NEIL3: variants seen among roughly 807,000 people sequenced by gnomAD.
NEIL3 encodes the protein nei like DNA glycosylase 3, also known as endonuclease 8-like 3.
In NEIL3, 48 loss-of-function variants were observed where a neutral mutation model predicts 57.5. The ratio of observed to expected loss-of-function variants is 0.83; its 90% CI spans 0.66 to 1.06. NEIL3 has a LOEUF of 1.06. Ranked by LOEUF, NEIL3 falls within the 50% of genes least tolerant of loss-of-function variation. The probability of loss-of-function intolerance (pLI) is 0.00; values close to 1 mark genes in which losing one functional copy is unlikely to be tolerated. For missense variants in NEIL3, 717 were observed against 739.1 expected (o/e 0.97, Z 0.35); for synonymous variants, 261 against 253.2 (o/e 1.03, Z -0.29).
intron 8 of NEIL3, among the ~76,000 whole-genome samples, chr4:177,358,106 G>A (rs2110940003): frequency 6.6e-6 from 1 of 152,232 alleles, no homozygotes; most frequent in East Asian, 1.9e-4. Flanking sequence ...CGTTACTTCA[G>A]TGCTTCATAA....
At chr4:177,310,184 T>C in intron 1 of NEIL3, 75 bp downstream of exon 1, 1 of 1,387,696 alleles carries the variant, frequency 7.2e-7, no homozygotes, top group Non-Finnish European at 9.4e-7. Context: ...GGTTCCAGGA[T>C]TTAAAGTGTC....
intron 2 of NEIL3, among the ~76,000 whole-genome samples, chr4:177,330,553 A>C (rs532552576): frequency 6.6e-6 from 1 of 152,156 alleles, no homozygotes; most frequent in Admixed American, 6.5e-5. Flanking sequence ...TGAAGCAAAT[A>C]ATTGGTCCTT....
At chr4:177,350,678 C>T (rs1177144134) in intron 6 of NEIL3, among the ~76,000 whole-genome samples, 1 of 152,106 alleles carries the variant, frequency 6.6e-6, no homozygotes, top group African/African-American at 2.4e-5. Context: ...TTTCAATCCT[C>T]TAATTTCTGC....
At position 177,353,592 on chromosome 4, in the gene NEIL3, CAACCATCCAGCAAAGTA is replaced by C; in HGVS notation, c.1328_1344del (p.Pro443HisfsTer10). The C allele has an allele frequency of 1.2e-6, 2 of 1,613,300 alleles. No individual in the cohort carries two copies. The highest frequency in any genetic ancestry group is 1.7e-6 in the Non-Finnish European group (2 of 1,179,488). The stretch of plus-strand genomic sequence containing the variant: ...CAAGAAGACAACAAACGATATAACT[CAACCATCCAGCAAAGTA>C]AACATATCACCTACAATCAGTTCAG... On this transcript the variant is annotated frameshift_variant, in exon 8 of 10. Coordinates refer to ENST00000264596, the MANE Select transcript of NEIL3 (RefSeq NM_018248.3). LOFTEE classifies it high-confidence loss of function.
At chr4:177,318,974 G>A (rs1734625653) in intron 1 of NEIL3, among the ~76,000 whole-genome samples, 1 of 152,184 alleles carries the variant, frequency 6.6e-6, no homozygotes, top group African/African-American at 2.4e-5. Flanking sequence ...CATTTTTAAT[G>A]GGGAGGAGGA....
intron 1 of NEIL3, among the ~76,000 whole-genome samples, chr4:177,318,758 T>G (rs1734621976): frequency 6.6e-6 from 1 of 152,228 alleles, no homozygotes; most frequent in Non-Finnish European, 1.5e-5. Context: ...TCTCCATTTC[T>G]TTTCCGAATG....
At chr4:177,346,927 G>T (rs193295974) in intron 6 of NEIL3, among the ~76,000 whole-genome samples, 1 of 151,830 alleles carries the variant, frequency 6.6e-6, no homozygotes, top group Non-Finnish European at 1.5e-5. Context: ...GCTTCAACGC[G>T]GGAGGTGGAG....
At chr4:177,342,018 T>C (rs764812887) in intron 6 of NEIL3, among the ~76,000 whole-genome samples, 1 of 152,218 alleles carries the variant, frequency 6.6e-6, no homozygotes, top group Non-Finnish European at 1.5e-5. Flanking sequence ...TTTTTACAGA[T>C]TGTATGTCTA....
chr4:177,319,109 A>T (rs1734627715), intron 1 of NEIL3, among the ~76,000 whole-genome samples: 1 of 152,192 alleles, frequency 6.6e-6, no homozygotes, highest in South Asian at 2.1e-4. Context: ...CAAAGCTGTT[A>T]ACTTGGTGAT....
At chr4:177,364,127 A>G (rs770773119), downstream of NEIL3, among the ~76,000 whole-genome samples, 4 of 152,208 alleles carry the variant, frequency 2.6e-5, no homozygotes, top group Non-Finnish European at 4.4e-5. Flanking sequence ...CCTGTTTGGA[A>G]GGAAAGATTG....
chr4:177,351,206 C>CAAAAAAAAAAAAAAAAAAAAAAAAAAAAA (rs749430879), intron 6 of NEIL3, among the ~76,000 whole-genome samples, 174 bp from the exon 7 acceptor site: 1 of 58,516 alleles, frequency 1.7e-5, no homozygotes, highest in Non-Finnish European at 2.8e-5. Flanking sequence ...CCCATCTCTA[C>CAAAAAAAAAAAAAAAAAAAAAAAAAAAAA]AAAAAAAAAA....
intron 2 of NEIL3, among the ~76,000 whole-genome samples, chr4:177,325,555 C>G (rs1021632527): frequency 2.6e-5 from 4 of 151,996 alleles, no homozygotes; most frequent in African/African-American, 4.8e-5. Flanking sequence ...TTTCATTTCT[C>G]TTGGATAAAT....
At chr4:177,326,308 T>C (rs12645986) in intron 2 of NEIL3, among the ~76,000 whole-genome samples, 18,463 of 152,194 alleles carry the variant, frequency 0.12, 1,209 homozygotes, top group Middle Eastern at 0.21. Flanking sequence ...CCTTTCTCCA[T>C]TGAATTTCTT....
downstream of NEIL3, chr4:177,363,057 G>A (rs1286041425): frequency 6.6e-6 from 1 of 152,196 alleles, no homozygotes; most frequent in Non-Finnish European, 1.5e-5. Context: ...TGTGGATGCA[G>A]ACTATAAAAG....
At chr4:177,325,721 T>A (rs1212081360) in intron 2 of NEIL3, among the ~76,000 whole-genome samples, 1 of 152,096 alleles carries the variant, frequency 6.6e-6, no homozygotes, top group Non-Finnish European at 1.5e-5. Context: ...CAGCACCTGG[T>A]ATTGTCAGTT....
chr4:177,370,438 G>A, the NEIL3 span, among the ~76,000 whole-genome samples: 1 of 152,176 alleles, frequency 6.6e-6, no homozygotes, highest in Admixed American at 6.5e-5. Flanking sequence ...AGTAGTTCCA[G>A]AGTCACATTC....
Position 177,341,507 on chromosome 4 carries a change from A to T in NEIL3, c.734A>T (p.His245Leu). ...AAAGCAGGACTTGCTCTCTCTAAACACTATAAGGTTTACAAGCGTCCTAAT... is the reference window on the plus strand; with the variant it reads ...AAAGCAGGACTTGCTCTCTCTAAACTCTATAAGGTTTACAAGCGTCCTAAT... Reference protein sequence around the residue: ...CRKAGLALSKHYKVYKRPNCG... With the variant: ...CRKAGLALSKLYKVYKRPNCG... Residue 245 changes from histidine (H) to leucine (L), a missense_variant, in exon 6 of 10, where the codon CAC (histidine) becomes CTC (leucine). By Grantham distance (99) the His-to-Leu change is moderately conservative. Coordinates refer to ENST00000264596, the MANE Select transcript of NEIL3 (RefSeq NM_018248.3). 6.2e-7 allele frequency: 1 copy of T among 1,607,970 alleles called. No homozygotes were observed. The highest frequency in any genetic ancestry group is 8.5e-7 in the Non-Finnish European group (1 of 1,177,692).
chr4:177,338,628 CA>C (rs1331879298), intron 4 of NEIL3, among the ~76,000 whole-genome samples: 2 of 152,198 alleles, frequency 1.3e-5, no homozygotes, highest in Admixed American at 1.3e-4. Context: ...GCACATGTGC[CA>C]AATAATAATT....
chr4:177,317,356 T>C (rs1374000526), intron 1 of NEIL3, among the ~76,000 whole-genome samples: 1 of 152,190 alleles, frequency 6.6e-6, no homozygotes, highest in Non-Finnish European at 1.5e-5. Context: ...TAGGACAACA[T>C]ATTTCAATTT....
Sources: allele counts gnomAD v4.1 joint callset (sites outside exome capture counted in the v4.1 genomes callset), GRCh38; gene constraint gnomAD v4.1.1; transcripts MANE v1.5; gene names NCBI Gene and HGNC (gene_info 2026-07-23, HGNC 2026-07-21).